Variants in USP32 observed in about 807,000 individuals in gnomAD.
USP32 encodes ubiquitin specific peptidase 32, also known as ubiquitin carboxyl-terminal hydrolase 32.
USP32 carries 59 observed loss-of-function variants against 204.8 expected under a neutral mutation model. The observed-to-expected ratio is 0.29, with a 90% confidence interval of 0.23 to 0.36. USP32 has a LOEUF of 0.36. Ranked by LOEUF, USP32 falls within the 10% of genes least tolerant of loss-of-function variation. USP32 has a pLI of 1.00. For missense variants in USP32, 1,160 were observed against 1,946.4 expected (o/e 0.60, Z 7.60); for synonymous variants, 517 against 678.4 (o/e 0.76, Z 3.70).
Position 60,223,591 on chromosome 17 carries a change from A to T in USP32, c.1433-5T>A, listed in dbSNP as rs896556292. ...GTGTGGCAGAATACAGAAAGCCTAT[A>T]AAAAAAAAAGAGGATAGAATCTCTT... On this transcript the variant is annotated splice_polypyrimidine_tract_variant and splice_region_variant and intron_variant, in intron 13 of 33. Coordinates refer to ENST00000300896, the MANE Select transcript of USP32 (RefSeq NM_032582.4). 8.5e-6 allele frequency: 11 copies of T among 1,301,768 alleles called. No individual in the cohort carries two copies. Among genetic ancestry groups the T allele is most frequent in the Middle Eastern group, 2.0e-4 (1 of 5,004 alleles). The allele number at this position is 1,301,768 out of a possible 1,614,324, so 80.6% of individuals were successfully genotyped here. A position where few individuals can be genotyped will look rare whatever the true frequency, so the allele number is the denominator to read the frequency against.
intron 1 of USP32, among the ~76,000 whole-genome samples, chr17:60,363,101 G>A (rs2089242025): frequency 6.6e-6 from 1 of 152,048 alleles, no homozygotes; most frequent in South Asian, 2.1e-4. Context: ...ATCAGCCTGG[G>A]CAACACAGTG....
intron 10 of USP32, among the ~76,000 whole-genome samples, chr17:60,254,317 CACTT>C (rs2086240332): frequency 6.6e-6 from 1 of 152,264 alleles, no homozygotes; most frequent in African/African-American, 2.4e-5. Flanking sequence ...CTTTCCTTCC[CACTT>C]AATCTTTTTT....
intron 1 of USP32, among the ~76,000 whole-genome samples, chr17:60,411,778 G>A (rs1598323516): frequency 6.6e-6 from 1 of 152,030 alleles, no homozygotes; most frequent in East Asian, 1.9e-4. Flanking sequence ...ACTTAGTAGA[G>A]TTTTTAAGAT....
At chr17:60,419,817 A>AATTATTATTATTATTATT (rs113546748) in intron 1 of USP32, among the ~76,000 whole-genome samples, 1 of 138,674 alleles carries the variant, frequency 7.2e-6, no homozygotes. Flanking sequence ...GGTTAAAAAA[A>AATTATTATTATTATTATT]ATTATTATTA....
intron 11 of USP32, among the ~76,000 whole-genome samples, chr17:60,244,999 G>C (rs28620743): frequency 0.14 from 21,361 of 152,172 alleles, 3,222 homozygotes; most frequent in African/African-American, 0.37. Context: ...AAAAAGTGTA[G>C]AAACTAAAAC....
intron 2 of USP32, among the ~76,000 whole-genome samples, chr17:60,316,715 C>T (rs2087988556): frequency 6.6e-6 from 1 of 152,024 alleles, no homozygotes; most frequent in Non-Finnish European, 1.5e-5. Flanking sequence ...GTGGTGGGCG[C>T]CTGTAGTCCC....
At chr17:60,183,084 G>A in intron 31 of USP32, 81 bp downstream of exon 31, 5 of 1,496,168 alleles carry the variant, frequency 3.3e-6, no homozygotes, top group African/African-American at 1.4e-5. Flanking sequence ...CCAACCTGAT[G>A]TTCCAGAACA....
chr17:60,416,781 G>A (rs2090065345), intron 1 of USP32, among the ~76,000 whole-genome samples: 1 of 152,014 alleles, frequency 6.6e-6, no homozygotes, highest in Admixed American at 6.6e-5. Context: ...TTGGGATTAG[G>A]GAACAGGAAG....
At chr17:60,292,288 A>G (rs2087299379) in intron 4 of USP32, among the ~76,000 whole-genome samples, 1 of 152,196 alleles carries the variant, frequency 6.6e-6, no homozygotes, top group Non-Finnish European at 1.5e-5. Context: ...TTTTCTATCT[A>G]AACTTACTCC....
chr17:60,414,673 C>A (rs1166206957), intron 1 of USP32, among the ~76,000 whole-genome samples: 1 of 152,020 alleles, frequency 6.6e-6, no homozygotes. Flanking sequence ...AGGAGATCCA[C>A]CCGCCTTGGC....
At chr17:60,190,454 G>A (rs2084351904) in intron 29 of USP32, 109 bp downstream of exon 29, 3 of 1,409,146 alleles carry the variant, frequency 2.1e-6, no homozygotes, top group Admixed American at 5.6e-5. Flanking sequence ...GCCAATGAAG[G>A]TTTTTCTGGT....
At chr17:60,223,816 C>T (rs1289854685) in intron 13 of USP32, among the ~76,000 whole-genome samples, 1 of 152,128 alleles carries the variant, frequency 6.6e-6, no homozygotes, top group African/African-American at 2.4e-5. Context: ...AACATTTGGC[C>T]ACCCTCCTAG....
intron 5 of USP32, among the ~76,000 whole-genome samples, chr17:60,285,453 TA>T (rs940171337): frequency 1.3e-5 from 2 of 152,186 alleles, no homozygotes; most frequent in Non-Finnish European, 2.9e-5. Flanking sequence ...ATATGTCATA[TA>T]AAGTAATGGA....
intron 1 of USP32, among the ~76,000 whole-genome samples, chr17:60,349,578 G>GAAAAAA (rs757370384): frequency 2.5e-4 from 7 of 27,714 alleles, no homozygotes; most frequent in South Asian, 1.7e-3. Flanking sequence ...TGTCTCAAAA[G>GAAAAAA]AAAAAAAAAA....
chr17:60,215,448 T>C, intron 16 of USP32, among the ~76,000 whole-genome samples: 1 of 143,080 alleles, frequency 7.0e-6, no homozygotes. Flanking sequence ...AATAGCAAAA[T>C]GAAATAAAAC....
intron 2 of USP32, among the ~76,000 whole-genome samples, chr17:60,341,868 A>C (rs2088667339): frequency 1.3e-5 from 2 of 151,966 alleles, no homozygotes; most frequent in Non-Finnish European, 2.9e-5. Context: ...TAGCTCGGAG[A>C]AGTTTGTTAT....
rs553156792 is a variant in USP32 at position 60,234,051 on chromosome 17, G to C, written c.1239+2087C>G. Among the ~76,000 whole-genome samples, 5 of 152,134 alleles carry C rather than the reference G, an allele frequency of 3.3e-5. No individual in the cohort carries two copies. The East Asian group carries it at 7.7e-4, about 24-fold the overall frequency. ...TGCAGTCTTGACCTATCAGGCTCAA[G>C]CAATCCTCCCACCTCAGCCTCCCAA... is the stretch of plus-strand genomic sequence containing the variant. On this transcript the variant is annotated intron_variant, in intron 12 of 33. Transcript: ENST00000300896.
intron 4 of USP32, among the ~76,000 whole-genome samples, chr17:60,293,136 TA>T (rs1302106013): frequency 1.3e-5 from 2 of 152,190 alleles, no homozygotes; most frequent in East Asian, 3.8e-4. Flanking sequence ...TTTTCTCTAT[TA>T]CCACCTTCTT....
intron 26 of USP32, among the ~76,000 whole-genome samples, chr17:60,201,603 A>T (rs2084676314): frequency 6.6e-6 from 1 of 151,772 alleles, no homozygotes; most frequent in Middle Eastern, 3.2e-3. Context: ...AGGTGAGTGC[A>T]CTGATATCAT....
Sources: gnomAD v4.1 joint callset for allele counts (sites outside exome capture counted in the v4.1 genomes callset) on GRCh38, gnomAD v4.1.1 for gene constraint, MANE v1.5 for transcripts, NCBI Gene and HGNC (gene_info 2026-07-23, HGNC 2026-07-21) for gene names.